TDRD9: variants seen among roughly 807,000 people sequenced by gnomAD.
TDRD9 encodes ATP-dependent RNA helicase TDRD9.
TDRD9 carries 124 observed loss-of-function variants against 172.6 expected under a neutral mutation model. The ratio of observed to expected loss-of-function variants is 0.72; its 90% CI spans 0.62 to 0.83. The LOEUF (loss-of-function observed/expected upper bound fraction) is 0.83, where lower values mean the gene tolerates loss of function less well. Among genes scored for constraint, TDRD9 ranks in the 40% least tolerant of loss-of-function variants. TDRD9 has a pLI of 0.00. For missense variants in TDRD9, 1,479 were observed against 1,714.1 expected (o/e 0.86, Z 2.42); for synonymous variants, 619 against 617.1 (o/e 1.00, Z -0.05).
At chr14:104,017,793 A>C (rs1259661018) in intron 22 of TDRD9, among the ~76,000 whole-genome samples, 1 of 152,250 alleles carries the variant, frequency 6.6e-6, no homozygotes, top group African/African-American at 2.4e-5. Context: ...AGAAGTATTT[A>C]GTAAGCTTGA....
chr14:103,965,244 A>G, intron 3 of TDRD9, 89 bp from the exon 4 acceptor site: 1 of 1,313,152 alleles, frequency 7.6e-7, no homozygotes, highest in Non-Finnish European at 1.1e-6. Flanking sequence ...AAGATGAAAG[A>G]AAAATAAATC....
At chr14:104,033,174 A>G (rs916414924) in intron 30 of TDRD9, among the ~76,000 whole-genome samples, 1 of 152,190 alleles carries the variant, frequency 6.6e-6, no homozygotes, top group Admixed American at 6.5e-5. Flanking sequence ...CCTTTGGGTA[A>G]GTCTTGTCTT....
At chr14:103,987,488 C>T (rs1380816891) in intron 8 of TDRD9, among the ~76,000 whole-genome samples, 1 of 152,018 alleles carries the variant, frequency 6.6e-6, no homozygotes, top group Non-Finnish European at 1.5e-5. Context: ...TTCTGATTTC[C>T]ATTTTGATTT....
In TDRD9 at chr14:103,928,517, G is replaced by GT. The variant is rs1595883446; in HGVS notation, c.8_9insT (p.Lys4GlufsTer82). 7.0e-7 allele frequency: 1 copy of GT among 1,425,218 alleles called. No homozygotes were observed. The highest frequency in any genetic ancestry group is 9.3e-7 in the Non-Finnish European group (1 of 1,079,084). 88.3% of individuals were successfully genotyped at this position (1,425,218 alleles called of 1,614,324 possible). On this transcript the variant is annotated frameshift_variant, in exon 1 of 36. Coordinates refer to ENST00000409874, the MANE Select transcript of TDRD9 (RefSeq NM_153046.3). LOFTEE classifies it high-confidence loss of function. ...GACGCCTGGGCCTTGAGGATGCTGC[G>GT]GAAGCTCACCATCGAGCAGATCAAC... is the stretch of plus-strand genomic sequence containing the variant.
chr14:103,968,254 G>A (rs1164406290), intron 5 of TDRD9, among the ~76,000 whole-genome samples: 1 of 152,196 alleles, frequency 6.6e-6, no homozygotes, highest in Non-Finnish European at 1.5e-5. Flanking sequence ...GCGCCATCAC[G>A]GCAGCTTCCT....
intron 19 of TDRD9, 149 bp downstream of exon 19, chr14:104,007,353 G>T (rs2034474673): frequency 2.8e-6 from 2 of 712,876 alleles, no homozygotes; most frequent in East Asian, 5.5e-5. Flanking sequence ...GCTGTCCCAA[G>T]AGTGGCAGGC....
chr14:104,015,730 T>C (rs893029377), intron 21 of TDRD9, among the ~76,000 whole-genome samples: 4 of 152,222 alleles, frequency 2.6e-5, no homozygotes, highest in Admixed American at 2.0e-4. Context: ...TTCTGAGAAG[T>C]ACTCAAGCTC....
At chr14:103,987,919 G>C (rs544892675) in intron 8 of TDRD9, among the ~76,000 whole-genome samples, 2 of 151,974 alleles carry the variant, frequency 1.3e-5, no homozygotes, top group Non-Finnish European at 2.9e-5. Flanking sequence ...TATGTATTTT[G>C]GTTCTCTGTT....
intron 7 of TDRD9, among the ~76,000 whole-genome samples, chr14:103,984,313 C>T (rs748956098): frequency 2.6e-5 from 4 of 152,208 alleles, no homozygotes; most frequent in Admixed American, 6.5e-5. Context: ...GAGGTCTTCA[C>T]GGCAGCCCCT....
rs1200157224 is a variant in TDRD9 at position 103,980,760 on chromosome 14, A to T, written c.1011+5207A>T. Among the ~76,000 whole-genome samples, 1 of 152,054 alleles carries T rather than the reference A, an allele frequency of 6.6e-6. No individual in the cohort carries two copies. The highest frequency in any genetic ancestry group is 1.5e-5 in the Non-Finnish European group (1 of 67,986). On this transcript the variant is annotated intron_variant, in intron 7 of 35. Transcript: ENST00000409874. This position sits in a 1 kb window ranked among gnomAD's most constrained non-coding sequence, Gnocchi z 4.5. ...GACGCTACCACTAGACCACGGCTAGACCATGGTCCGCTTGGCAACGGGCGT... is the reference window on the plus strand; with the variant it reads ...GACGCTACCACTAGACCACGGCTAGTCCATGGTCCGCTTGGCAACGGGCGT...
chr14:104,025,995 A>G, intron 26 of TDRD9, 52 bp from the exon 27 acceptor site: 1 of 1,210,564 alleles, frequency 8.3e-7, no homozygotes, highest in Non-Finnish European at 1.2e-6. Flanking sequence ...TTGCTCAGGT[A>G]GGGCATTGTT....
intron 32 of TDRD9, among the ~76,000 whole-genome samples, chr14:104,035,643 TTC>T (rs2035429107): frequency 6.6e-6 from 1 of 152,218 alleles, no homozygotes; most frequent in Non-Finnish European, 1.5e-5. Flanking sequence ...TGACAGAGCA[TTC>T]TCTGTGGGGA....
At chr14:104,032,961 G>A (rs1448541677) in intron 30 of TDRD9, among the ~76,000 whole-genome samples, 1 of 152,098 alleles carries the variant, frequency 6.6e-6, no homozygotes, top group Non-Finnish European at 1.5e-5. Flanking sequence ...AGGAAGAGAG[G>A]GGAGGTGGGA....
At chr14:103,994,282 C>T (rs776672984) in intron 9 of TDRD9, 50 bp from the exon 10 acceptor site, 2 of 1,521,320 alleles carry the variant, frequency 1.3e-6, no homozygotes, top group Non-Finnish European at 1.8e-6. Flanking sequence ...TGGTTTCTAG[C>T]AGTAAATACA....
intron 1 of TDRD9, among the ~76,000 whole-genome samples, chr14:103,930,913 T>C (rs551857303): frequency 2.1e-4 from 32 of 152,062 alleles, no homozygotes; most frequent in African/African-American, 7.5e-4. Context: ...TAGTCCTTCA[T>C]GGACTGAGAC....
chr14:103,990,066 A>G (rs931171432), intron 8 of TDRD9, among the ~76,000 whole-genome samples: 5 of 152,216 alleles, frequency 3.3e-5, no homozygotes, highest in Non-Finnish European at 7.3e-5. Context: ...CCAAAGCGGT[A>G]CCACCAGATG....
At chr14:103,996,025 C>T (rs929155918) in intron 12 of TDRD9, among the ~76,000 whole-genome samples, 1 of 152,180 alleles carries the variant, frequency 6.6e-6, no homozygotes, top group Non-Finnish European at 1.5e-5. Flanking sequence ...CAAGCTGGCT[C>T]GTCGGAAGTG....
At chr14:103,994,082 C>T (rs978486476) in intron 9 of TDRD9, among the ~76,000 whole-genome samples, 33 of 152,188 alleles carry the variant, frequency 2.2e-4, no homozygotes, top group African/African-American at 7.7e-4. Flanking sequence ...AGCTAACACC[C>T]ACAGGGAGTC....
chr14:103,977,915 T>G (rs151215466), intron 7 of TDRD9, among the ~76,000 whole-genome samples: 1 of 152,352 alleles, frequency 6.6e-6, no homozygotes, highest in Non-Finnish European at 1.5e-5. Context: ...CACCATTTAT[T>G]GAAGAGACTG....
Sources: allele counts gnomAD v4.1 joint callset (sites outside exome capture counted in the v4.1 genomes callset), GRCh38; gene constraint gnomAD v4.1.1; non-coding constraint Gnocchi (gnomAD v3.1); transcripts MANE v1.5; gene names NCBI Gene and HGNC (gene_info 2026-07-23, HGNC 2026-07-21).